Variants in CDH12 observed in about 807,000 individuals in gnomAD.
The protein encoded by CDH12 is cadherin-12.
Under a neutral mutation model 74.1 loss-of-function variants are expected in CDH12, and 41 were observed. The observed-to-expected ratio is 0.55, with a 90% confidence interval of 0.43 to 0.72. The LOEUF (loss-of-function observed/expected upper bound fraction) is 0.72. Ranked by LOEUF, CDH12 falls within the 30% of genes least tolerant of loss-of-function variation. The pLI is 0.00. For synonymous variants in CDH12, 399 were observed against 355.0 expected (o/e 1.12, Z -1.39); for missense variants, 945 against 977.2 (o/e 0.97, Z 0.44).
At chr5:22,402,834 G>A (rs947133192) in intron 3 of CDH12, among the ~76,000 whole-genome samples, 2 of 152,146 alleles carry the variant, frequency 1.3e-5, no homozygotes, top group African/African-American at 4.8e-5. Context: ...AGTTATTTCA[G>A]AAATGCACAA....
At chr5:22,262,406 A>C (rs1753553878) in intron 3 of CDH12, among the ~76,000 whole-genome samples, 1 of 151,778 alleles carries the variant, frequency 6.6e-6, no homozygotes, top group South Asian at 2.1e-4. Context: ...ACTGAGAATG[A>C]TGATTTCCAA....
intron 1 of CDH12, among the ~76,000 whole-genome samples, chr5:22,612,064 T>C (rs1301868042): frequency 6.6e-6 from 1 of 152,200 alleles, no homozygotes; most frequent in Non-Finnish European, 1.5e-5. Context: ...TAAAATACTT[T>C]AATATTTGGC....
At chr5:22,062,561 CAG>C (rs1315135750) in intron 5 of CDH12, among the ~76,000 whole-genome samples, 15 of 152,022 alleles carry the variant, frequency 9.9e-5, no homozygotes, top group Non-Finnish European at 1.9e-4. Context: ...ACAGAAAAAG[CAG>C]AGAGCTAAAG....
chr5:22,078,945 C>A (rs2150225908), intron 4 of CDH12, 83 bp from the exon 5 acceptor site: 1 of 597,906 alleles, frequency 1.7e-6, no homozygotes, highest in East Asian at 5.2e-5. Flanking sequence ...TATCTGCCAA[C>A]ATTTAAGGAA....
intron 5 of CDH12, among the ~76,000 whole-genome samples, chr5:22,030,764 C>A (rs1738763107): frequency 6.6e-6 from 1 of 152,184 alleles, no homozygotes; most frequent in Non-Finnish European, 1.5e-5. Context: ...CTTCTTCCAA[C>A]AGAAGGTTGT....
intron 4 of CDH12, among the ~76,000 whole-genome samples, chr5:22,108,009 T>C (rs1440753279): frequency 6.6e-6 from 1 of 152,236 alleles, no homozygotes; most frequent in African/African-American, 2.4e-5. Context: ...AACTGAGCAA[T>C]ATTTTTAACA....
At chr5:22,204,159 TTTG>T (rs1213800763) in intron 4 of CDH12, among the ~76,000 whole-genome samples, 8 of 29,800 alleles carry the variant, frequency 2.7e-4, no homozygotes, top group African/African-American at 8.4e-4. Flanking sequence ...TTTTGTTTTG[TTTG>T]TTTTTTTTTT....
At chr5:21,880,562 C>CTTTCTTTCTTTCCTT (rs1561268001) in intron 6 of CDH12, among the ~76,000 whole-genome samples, 1 of 51,828 alleles carries the variant, frequency 1.9e-5, no homozygotes, top group African/African-American at 4.9e-5. Context: ...TTCCTTCCTT[C>CTTTCTTTCTTTCCTT]CCTTCTTTCT....
chr5:21,988,033 C>G (rs1038927437), intron 5 of CDH12, among the ~76,000 whole-genome samples: 15 of 152,058 alleles, frequency 9.9e-5, no homozygotes, highest in Admixed American at 6.6e-4. Context: ...AAATTGATAT[C>G]TGCCTCACCT....
intron 1 of CDH12, among the ~76,000 whole-genome samples, chr5:22,518,901 C>T (rs1035114255): frequency 7.9e-5 from 12 of 152,134 alleles, no homozygotes; most frequent in African/African-American, 2.7e-4. Flanking sequence ...GTGCAACTGT[C>T]TTCAGAAGCT....
At chr5:22,110,190 C>T (rs1377977419) in intron 4 of CDH12, among the ~76,000 whole-genome samples, 2 of 152,054 alleles carry the variant, frequency 1.3e-5, no homozygotes, top group Non-Finnish European at 2.9e-5. Flanking sequence ...GAATAAACAC[C>T]AGCATAAACA....
chr5:22,626,019 A>G (rs268997), intron 1 of CDH12, among the ~76,000 whole-genome samples: 51,418 of 151,874 alleles, frequency 0.34, 9,169 homozygotes, highest in African/African-American at 0.44. Context: ...GTGTCAGTGC[A>G]TGCCGCCATC....
intron 4 of CDH12, among the ~76,000 whole-genome samples, chr5:22,194,546 G>T (rs1322382265): frequency 6.6e-6 from 1 of 151,842 alleles, no homozygotes; most frequent in Non-Finnish European, 1.5e-5. Context: ...TGGCAAGGCT[G>T]GTCTCGAACT....
At chr5:21,754,296 C>T (rs1316411916) in intron 14 of CDH12, among the ~76,000 whole-genome samples, 2 of 152,096 alleles carry the variant, frequency 1.3e-5, no homozygotes, top group East Asian at 1.9e-4. Flanking sequence ...ACTCTTACAA[C>T]TTTCAAAATA....
rs766857671 is a variant in CDH12, at chr5:22,204,175, TG to T, written c.-187+8322del. On this transcript the variant is annotated intron_variant, in intron 4 of 14. Transcript: ENST00000382254. ...TTTGTTTTGTTTGTTTTTTTTTTTTTGTTTTTTGTTTTTTTGAGACGGAGTC... is the reference window on the plus strand; with the variant it reads ...TTTGTTTTGTTTGTTTTTTTTTTTTTTTTTTTGTTTTTTTGAGACGGAGTC... Among the ~76,000 whole-genome samples, 186 of 143,654 alleles carry T rather than the reference TG, an allele frequency of 1.3e-3. 2 individuals carry two copies. The highest frequency in any genetic ancestry group is 3.5e-3 in the Middle Eastern group (1 of 288). 94.2% of individuals were successfully genotyped at this position (143,654 alleles called of 152,430 possible).
At chr5:22,621,931 TTAAA>T (rs1737994176) in intron 1 of CDH12, among the ~76,000 whole-genome samples, 1 of 152,086 alleles carries the variant, frequency 6.6e-6, no homozygotes, top group Non-Finnish European at 1.5e-5. Context: ...TATTTAATGT[TTAAA>T]TAATCTGTCT....
intron 3 of CDH12, among the ~76,000 whole-genome samples, chr5:22,227,170 C>T (rs10454882): frequency 0.42 from 64,490 of 151,790 alleles, 15,198 homozygotes; most frequent in Non-Finnish European, 0.53. Context: ...CACTGGATCA[C>T]GGAGGAACTA....
intron 5 of CDH12, among the ~76,000 whole-genome samples, chr5:22,067,591 G>A (rs1395302026): frequency 6.6e-6 from 1 of 152,160 alleles, no homozygotes; most frequent in Non-Finnish European, 1.5e-5. Flanking sequence ...CGATCCAGCA[G>A]GTCCAGTGGG....
At chr5:22,372,132 C>T (rs191058692) in intron 3 of CDH12, among the ~76,000 whole-genome samples, 61 of 152,262 alleles carry the variant, frequency 4.0e-4, no homozygotes, top group Admixed American at 2.0e-3. Context: ...GAAGAAAATG[C>T]TAACCAGTTA....
Sources: gnomAD v4.1 joint callset for allele counts (sites outside exome capture counted in the v4.1 genomes callset) on GRCh38, gnomAD v4.1.1 for gene constraint, MANE v1.5 for transcripts, NCBI Gene and HGNC (gene_info 2026-07-23, HGNC 2026-07-21) for gene names.